Variants in ZNF883 observed in about 807,000 individuals in gnomAD.
ZNF883 encodes the protein zinc finger protein 883.
downstream of ZNF883, among the ~76,000 whole-genome samples, chr9:112,996,789 TCAAAAAAAAAAAAAA>T (rs1326616113): frequency 1.8e-4 from 5 of 28,290 alleles, no homozygotes; most frequent in Non-Finnish European, 3.1e-4. Flanking sequence ...AGACTCCGTC[TCAAAAAAAAAAAAAA>T]AAAAAAAAAA....
At chr9:113,006,140 TGAC>T (rs1564334556) in intron 2 of ZNF883, among the ~76,000 whole-genome samples, 7 of 147,234 alleles carry the variant, frequency 4.8e-5, no homozygotes, top group African/African-American at 1.8e-4. Flanking sequence ...AGAATCAAGA[TGAC>T]AACAAAAGCG....
At chr9:113,009,612 C>T (rs1391761739) in intron 2 of ZNF883, among the ~76,000 whole-genome samples, 1 of 151,986 alleles carries the variant, frequency 6.6e-6, no homozygotes, top group East Asian at 1.9e-4. Context: ...CAGGTTCAAG[C>T]GATTCTCCTG....
intron 2 of ZNF883, among the ~76,000 whole-genome samples, chr9:113,007,419 T>C (rs1025117973): frequency 1.3e-5 from 2 of 152,198 alleles, no homozygotes; most frequent in Non-Finnish European, 2.9e-5. Context: ...CCCCAAAATA[T>C]GACTGGAGAC....
downstream of ZNF883, chr9:112,997,064 T>TGAGTG (rs1228723653): frequency 8.2e-6 from 12 of 1,467,120 alleles, no homozygotes; most frequent in Non-Finnish European, 1.1e-5. Flanking sequence ...GCTTGAACTG[T>TGAGTG]GAGTGCTCAG....
chr9:112,997,628 C>T (rs1212318813), exon 1 of ZNF883: 1 of 1,613,588 alleles, frequency 6.2e-7, no homozygotes, highest in African/African-American at 1.3e-5. Context: ...ACATTCATTA[C>T]ATTCATATGG....
chr9:112,991,037 G>GT (rs529639745), intron 1 of ZNF883, among the ~76,000 whole-genome samples: 10 of 151,882 alleles, frequency 6.6e-5, no homozygotes, highest in Middle Eastern at 3.4e-3. Context: ...TATTTTATTA[G>GT]TTTTTTCAAA....
chr9:113,001,378 T>G (rs1211621567), upstream of ZNF883, among the ~76,000 whole-genome samples: 1 of 151,846 alleles, frequency 6.6e-6, no homozygotes, highest in South Asian at 2.1e-4. Context: ...AAGTAGAAAA[T>G]AATGGAATCT....
intron 2 of ZNF883, among the ~76,000 whole-genome samples, chr9:113,004,565 C>T (rs1332730227): frequency 1.3e-5 from 2 of 151,704 alleles, no homozygotes; most frequent in South Asian, 2.1e-4. Context: ...TTTCTCTTTG[C>T]CATGTGAGGA....
intron 1 of ZNF883, among the ~76,000 whole-genome samples, chr9:112,988,980 ATTTG>A (rs959720211): frequency 9.3e-5 from 14 of 151,066 alleles, no homozygotes; most frequent in African/African-American, 3.4e-4. Flanking sequence ...TAATGGGATT[ATTTG>A]TTCTTGTAAA....
At chr9:112,992,477 G>T (rs567028124), downstream of ZNF883, among the ~76,000 whole-genome samples, 6 of 152,316 alleles carry the variant, frequency 3.9e-5, no homozygotes, top group African/African-American at 1.4e-4. Context: ...CCCTTTGTAG[G>T]TCACCTGGCC....
At chr9:113,001,099 AAG>A (rs1270837585), upstream of ZNF883, among the ~76,000 whole-genome samples, 2 of 152,152 alleles carry the variant, frequency 1.3e-5, no homozygotes, top group African/African-American at 4.8e-5. Context: ...GCTATAAAGA[AAG>A]AATTCAAGAA....
downstream of ZNF883, among the ~76,000 whole-genome samples, chr9:112,995,451 C>A (rs533131884): frequency 4.3e-4 from 66 of 151,736 alleles, no homozygotes; most frequent in African/African-American, 1.6e-3. Flanking sequence ...TTTCTCTCTT[C>A]CTTCCTTCTT....
chr9:113,005,965 T>G (rs1828470076), intron 2 of ZNF883, among the ~76,000 whole-genome samples: 1 of 151,994 alleles, frequency 6.6e-6, no homozygotes, highest in Admixed American at 6.6e-5. Context: ...AGGACTAGTT[T>G]ACAAGACAAT....
downstream of ZNF883, among the ~76,000 whole-genome samples, chr9:112,994,307 G>T (rs149846842): frequency 6.6e-6 from 1 of 151,706 alleles, no homozygotes; most frequent in Non-Finnish European, 1.5e-5. Flanking sequence ...CTCACTCTCC[G>T]TGCTTTTCCT....
At chr9:113,010,113 G>A (rs556893854) in intron 2 of ZNF883, among the ~76,000 whole-genome samples, 3 of 152,148 alleles carry the variant, frequency 2.0e-5, no homozygotes, top group Non-Finnish European at 4.4e-5. Flanking sequence ...GTTATTCACT[G>A]TTATATCCCA....
At chr9:112,997,590 A>T (rs1053779601) in exon 1 of ZNF883, 1 of 1,613,754 alleles carries the variant, frequency 6.2e-7, no homozygotes, top group Non-Finnish European at 8.5e-7. Context: ...TGTTGAATGA[A>T]GGCTGGGGTA....
Position 112,997,172 on chromosome 9 carries a change from G to A in ZNF883, n.1088C>T, listed in dbSNP as rs758265345. The A allele has an allele frequency of 1.2e-5, 20 of 1,612,562 alleles. No homozygotes were observed. The South Asian group carries it at 2.0e-4, about 16-fold the overall frequency. On this transcript the variant is annotated non_coding_transcript_exon_variant, in exon 1 of 1. Transcript: ENST00000639662. ...ATGAGTTTTCTGATGTCGAATTAAG[G>A]ATGTACTATGACAAAAGACATCACC...
chr9:113,002,577 A>T (rs538770886), upstream of ZNF883, among the ~76,000 whole-genome samples: 1 of 152,314 alleles, frequency 6.6e-6, no homozygotes, highest in African/African-American at 2.4e-5. Context: ...ATATCTGTAA[A>T]TTTTACGCAA....
chr9:112,996,128 T>C (rs781034087), downstream of ZNF883, among the ~76,000 whole-genome samples: 1 of 152,176 alleles, frequency 6.6e-6, no homozygotes, highest in Non-Finnish European at 1.5e-5. Context: ...AGAAACTTAT[T>C]TTAAATTTCT....
Sources: gnomAD v4.1 joint callset for allele counts (sites outside exome capture counted in the v4.1 genomes callset) on GRCh38, gnomAD v4.1.1 for gene constraint, MANE v1.5 for transcripts, NCBI Gene and HGNC (gene_info 2026-07-23, HGNC 2026-07-21) for gene names.